Variants in ACACA observed in about 807,000 individuals in gnomAD.
ACACA encodes acetyl-CoA carboxylase alpha.
A neutral mutation model predicts 296.1 loss-of-function variants in ACACA; 103 were observed. The ratio of observed to expected loss-of-function variants is 0.35; its 90% CI spans 0.30 to 0.41. ACACA has a LOEUF of 0.41. Ranked by LOEUF, ACACA falls within the 10% of genes least tolerant of loss-of-function variation. The pLI, the probability that ACACA is intolerant of heterozygous loss-of-function variation, is 1.00. For missense variants in ACACA, 1,554 were observed against 2,989.7 expected (o/e 0.52, Z 11.20); for synonymous variants, 953 against 1,038.6 (o/e 0.92, Z 1.58).
At chr17:37,351,214 C>A (rs990189101) in intron 1 of ACACA, among the ~76,000 whole-genome samples, 2 of 152,202 alleles carry the variant, frequency 1.3e-5, no homozygotes, top group Middle Eastern at 3.2e-3. Context: ...GTAATCCCAG[C>A]ACTTTGGGAG....
chr17:37,390,304 T>TTTTATATATATATATATATA (rs1201500381), intron 1 of ACACA, among the ~76,000 whole-genome samples: 3 of 17,988 alleles, frequency 1.7e-4, no homozygotes, highest in African/African-American at 7.6e-4. Flanking sequence ...TTATACATAA[T>TTTTATATATATATATATATA]TATATATATA....
chr17:37,270,542 T>G (rs1345584986), intron 10 of ACACA, among the ~76,000 whole-genome samples: 1 of 152,254 alleles, frequency 6.6e-6, no homozygotes, highest in East Asian at 1.9e-4. Flanking sequence ...TTGAATTACC[T>G]AATTAAATAA....
rs1016821163 is a variant in ACACA at position 37,086,439 on chromosome 17, T to C, written c.*877A>G. 1 of 152,286 alleles carries C rather than the reference T, an allele frequency of 6.6e-6. No homozygotes were observed. The highest frequency in any genetic ancestry group is 2.4e-5 in the African/African-American group (1 of 41,458). The allele number at this position is 152,286 out of a possible 1,614,324, so 9.4% of individuals were successfully genotyped here. A position where few individuals can be genotyped will look rare whatever the true frequency, so the allele number is the denominator to read the frequency against. On this transcript the variant is annotated 3_prime_UTR_variant, in exon 56 of 56. Transcript: ENST00000616317. ...GGCATAAATAACTAGTTTCCACCAG[T>C]GCAGAAAGGGCAGTTCTCTTCTGGC...
chr17:37,109,876 AC>A (rs1420887997), intron 52 of ACACA, among the ~76,000 whole-genome samples: 2 of 152,142 alleles, frequency 1.3e-5, no homozygotes, highest in African/African-American at 4.8e-5. Flanking sequence ...GAGGCAGTGA[AC>A]CCCCAGTTAA....
In ACACA at chr17:37,109,917, T is replaced by TA. The variant is rs1318200076; in HGVS notation, c.6565+1613dup. ...TAGGAATTCAGCAGGCAGTGTAAGA[T>TA]AAATGGAGCTCTCTCTGCTTCTGCT... On this transcript the variant is annotated intron_variant, in intron 52 of 55. Coordinates refer to ENST00000616317, the MANE Select transcript of ACACA (RefSeq NM_198834.3). Among the ~76,000 whole-genome samples the TA allele has an allele frequency of 6.6e-5, 10 of 152,114 alleles. No homozygotes were observed. The South Asian group carries it at 1.2e-3, about 19-fold the overall frequency.
At chr17:37,260,955 T>G (rs2081489715) in intron 11 of ACACA, among the ~76,000 whole-genome samples, 1 of 152,126 alleles carries the variant, frequency 6.6e-6, no homozygotes, top group Non-Finnish European at 1.5e-5. Context: ...CAGGAATTAT[T>G]AAGTGCAGGT....
At chr17:37,366,180 C>T (rs2049594962) in intron 1 of ACACA, among the ~76,000 whole-genome samples, 4 of 152,146 alleles carry the variant, frequency 2.6e-5, no homozygotes, top group African/African-American at 7.2e-5. Flanking sequence ...TTTCCTGCCC[C>T]ATCCCTACCT....
chr17:37,294,134 A>AG (rs2083215646), intron 3 of ACACA, among the ~76,000 whole-genome samples: 1 of 152,094 alleles, frequency 6.6e-6, no homozygotes, highest in African/African-American at 2.4e-5. Flanking sequence ...GAAAAAAAAA[A>AG]AGGCACACAA....
At chr17:37,111,184 C>T (rs1013213568) in intron 52 of ACACA, among the ~76,000 whole-genome samples, 1 of 151,990 alleles carries the variant, frequency 6.6e-6, no homozygotes, top group Admixed American at 6.6e-5. Context: ...AAGAAACAAG[C>T]AGAAACAGGA....
intron 10 of ACACA, among the ~76,000 whole-genome samples, chr17:37,268,167 T>C (rs1031624034): frequency 3.9e-5 from 6 of 152,170 alleles, no homozygotes; most frequent in African/African-American, 1.2e-4. Context: ...CCTCTGTGGG[T>C]CTGTTTCTAC....
At chr17:37,265,967 G>A (rs1358116110) in intron 10 of ACACA, among the ~76,000 whole-genome samples, 1 of 152,138 alleles carries the variant, frequency 6.6e-6, no homozygotes, top group Non-Finnish European at 1.5e-5. Context: ...GTCCCTTGGT[G>A]CATTCATCAA....
intron 55 of ACACA, among the ~76,000 whole-genome samples, 173 bp downstream of exon 55, chr17:37,088,765 G>T (rs1402410853): frequency 6.6e-6 from 1 of 152,186 alleles, no homozygotes; most frequent in Non-Finnish European, 1.5e-5. Context: ...AGCTGAAAAA[G>T]AATTGGGCTT....
chr17:37,128,971 CT>C (rs1484214092), intron 47 of ACACA, among the ~76,000 whole-genome samples: 15 of 152,288 alleles, frequency 9.8e-5, no homozygotes, highest in African/African-American at 3.6e-4. Context: ...TAAAACGAAA[CT>C]GATTAATCTC....
chr17:37,333,469 C>T (rs1204889790), intron 2 of ACACA, among the ~76,000 whole-genome samples: 1 of 151,992 alleles, frequency 6.6e-6, no homozygotes, highest in East Asian at 1.9e-4. Flanking sequence ...GGGGTAATCC[C>T]CTCCAGGAAA....
At chr17:37,365,688 G>A in intron 1 of ACACA, 3 of 985,414 alleles carry the variant, frequency 3.0e-6, no homozygotes, top group Non-Finnish European at 3.6e-6. Context: ...TTAAGAGCCT[G>A]AAGGAACTTC....
chr17:37,285,003 C>G, intron 3 of ACACA, 33 bp from the exon 4 acceptor site: 1 of 1,613,860 alleles, frequency 6.2e-7, no homozygotes, highest in Non-Finnish European at 8.5e-7. Flanking sequence ...AAAACACCAC[C>G]TATATTTTCT....
intron 11 of ACACA, 96 bp downstream of exon 11, chr17:37,263,589 G>C: frequency 9.4e-7 from 1 of 1,062,366 alleles, no homozygotes. Flanking sequence ...ATTCAGAATC[G>C]TTGCTTAAAA....
At chr17:37,253,169 G>A in intron 14 of ACACA, 133 bp from the exon 15 acceptor site, 1 of 1,271,480 alleles carries the variant, frequency 7.9e-7, no homozygotes, top group Admixed American at 1.7e-5. Flanking sequence ...AGACAAGGCG[G>A]ATCACGAAGT....
At chr17:37,403,638 A>G (rs750458400) in intron 1 of ACACA, among the ~76,000 whole-genome samples, 10 of 152,048 alleles carry the variant, frequency 6.6e-5, no homozygotes, top group Non-Finnish European at 1.2e-4. Flanking sequence ...TTGGCTTCCC[A>G]AAATGCAGGG....
Sources: gnomAD v4.1 joint callset for allele counts (sites outside exome capture counted in the v4.1 genomes callset) on GRCh38, gnomAD v4.1.1 for gene constraint, MANE v1.5 for transcripts, NCBI Gene and HGNC (gene_info 2026-07-23, HGNC 2026-07-21) for gene names.